CCDC183: variants seen among roughly 807,000 people sequenced by gnomAD.
CCDC183 encodes coiled-coil domain-containing protein 183.
A neutral mutation model predicts 65.2 loss-of-function variants in CCDC183; 63 were observed. That is an observed-to-expected ratio of 0.97 (90% CI 0.79 to 1.19). The LOEUF is 1.19. Ranked by LOEUF, CCDC183 falls within the 50% of genes most tolerant of loss-of-function variation. The probability of loss-of-function intolerance (pLI) is 0.00; values close to 1 mark genes in which losing one functional copy is unlikely to be tolerated. For missense variants in CCDC183, 769 were observed against 689.3 expected, an observed-to-expected ratio of 1.12 and a Z score of -1.30; for synonymous variants, 323 against 276.5, an observed-to-expected ratio of 1.17 and a Z score of -1.67.
At chr9:136,807,155 C>A in intron 13 of CCDC183, 89 bp downstream of exon 13, 1 of 1,188,814 alleles carries the variant, frequency 8.4e-7, no homozygotes, top group Non-Finnish European at 1.2e-6. Flanking sequence ...ACCGGGACAT[C>A]CTGGAGGGAC....
intron 1 of CCDC183, among the ~76,000 whole-genome samples, chr9:136,797,117 GCAAGATATGCTGGCAGCAATA>G (rs1186251083): frequency 6.6e-6 from 1 of 152,182 alleles, no homozygotes; most frequent in Non-Finnish European, 1.5e-5. Context: ...GTGGCTAGAG[GCAAGATATGCTGGCAGCAATA>G]CTGCTCTGTT....
In CCDC183 at chr9:136,807,575, C is replaced by G; in HGVS notation, c.1490C>G (p.Thr497Ser). ...GAGCCGCCGCCTCCGCCCGCAGACACCTTCCAGTTCCCCGACATGGACCAC... is the reference window on the plus strand; with the variant it reads ...GAGCCGCCGCCTCCGCCCGCAGACAGCTTCCAGTTCCCCGACATGGACCAC... ...FENREEDMID[T>S]FQFPDMDHSY... Residue 497 changes from threonine to serine, a missense_variant, in exon 14 of 14, where the codon ACC (threonine) becomes AGC (serine). Transcript: ENST00000338005. 1 of 1,602,594 alleles carries G rather than the reference C, an allele frequency of 6.2e-7. No individual in the cohort carries two copies. The highest frequency in any genetic ancestry group is 8.5e-7 in the Non-Finnish European group (1 of 1,175,346).
chr9:136,807,455 C>T, intron 13 of CCDC183, 117 bp from the exon 14 acceptor site: 2 of 1,290,308 alleles, frequency 1.6e-6, no homozygotes, highest in South Asian at 3.1e-5. Flanking sequence ...CACGCTGGGG[C>T]TGTCCCTGGG....
At chr9:136,807,376 G>GGGTT in intron 13 of CCDC183, 196 bp from the exon 14 acceptor site, 1 of 747,092 alleles carries the variant, frequency 1.3e-6, no homozygotes, top group South Asian at 1.9e-5. Flanking sequence ...CTTCCACTGG[G>GGGTT]GGTTCTGCGG....
chr9:136,797,272 G>T (rs1847661955), intron 1 of CCDC183, among the ~76,000 whole-genome samples: 1 of 152,030 alleles, frequency 6.6e-6, no homozygotes, highest in African/African-American at 2.4e-5. Context: ...ATGTTTCCCT[G>T]CTGACGTTCT....
At chr9:136,802,876 G>A (rs1421974042) in intron 6 of CCDC183, 90 bp downstream of exon 6, 6 of 283,974 alleles carry the variant, frequency 2.1e-5, no homozygotes, top group African/African-American at 1.2e-4. Flanking sequence ...GCCCAGGGCT[G>A]GGGGCCCCCC....
In CCDC183 at chr9:136,800,072, TGCG is replaced by T; in HGVS notation, c.348_350del (p.Arg117del). The T allele has an allele frequency of 6.3e-7, 1 of 1,576,392 alleles. No homozygotes were observed. Among genetic ancestry groups the T allele is most frequent in the Non-Finnish European group, 8.6e-7 (1 of 1,162,516 alleles). On this transcript the variant is annotated inframe_deletion, in exon 4 of 14. Transcript: ENST00000338005. The stretch of plus-strand genomic sequence containing the variant: ...ATGCACAACCTACTGATCCACCTGG[TGCG>T]GCGGCGCGGGCAGAAGCTGGAGAGC...
intron 6 of CCDC183, among the ~76,000 whole-genome samples, chr9:136,803,216 GGGGCCCCCC>G (rs1847774074): frequency 2.5e-5 from 1 of 40,202 alleles, no homozygotes; most frequent in Admixed American, 2.5e-4. Context: ...CCCAGGGCTG[GGGGCCCCCC>G]AGGGCCAGCC....
Position 136,804,930 on chromosome 9 carries a change from G to A in CCDC183, c.847+114G>A. ...GCCAGGTGTGACATGTGGTCGCCAG[G>A]GTGAAGGGAAGGACAGGTCCCTGCC... On this transcript the variant is annotated intron_variant, in intron 8 of 13. Transcript: ENST00000338005. The surrounding 1 kb of genome is among the most constrained non-coding windows in gnomAD (Gnocchi z 4.1). The A allele has an allele frequency of 1.1e-6, 1 of 897,278 alleles. No individual in the cohort carries two copies. Among genetic ancestry groups the A allele is most frequent in the Non-Finnish European group, 1.8e-6 (1 of 570,564 alleles). The allele number at this position is 897,278 out of a possible 1,614,324, so 55.6% of individuals were successfully genotyped here.
In CCDC183 at chr9:136,799,098, A is replaced by T. The variant is rs1279052348; in HGVS notation, c.71-4A>T. 5 of 1,613,028 alleles carry T rather than the reference A, an allele frequency of 3.1e-6. No homozygotes were observed. The highest frequency in any genetic ancestry group is 4.2e-6 in the Non-Finnish European group (5 of 1,179,702). ...GCCACTGTGTCCCCTCCACCTGCCC[A>T]CAGAGCAGTGTCGGGCACTCCAGAT... is the stretch of plus-strand genomic sequence containing the variant. On this transcript the variant is annotated splice_region_variant and splice_polypyrimidine_tract_variant and intron_variant, in intron 1 of 13. Coordinates refer to ENST00000338005, the MANE Select transcript of CCDC183 (RefSeq NM_001039374.5).
Position 136,796,385 on chromosome 9 carries a change from C to A in CCDC183, c.-13C>A, listed in dbSNP as rs758641320. The A allele has an allele frequency of 2.5e-6, 4 of 1,569,522 alleles. No individual in the cohort carries two copies. The South Asian group carries it at 4.7e-5, about 18-fold the overall frequency. Reference sequence around the variant, plus strand: ...GAGGTACACAGGGTCCCTTGGGGGGCCTGAGAGCAGCCATGAGGAGGCACA... The same window carrying A: ...GAGGTACACAGGGTCCCTTGGGGGGACTGAGAGCAGCCATGAGGAGGCACA... On this transcript the variant is annotated 5_prime_UTR_variant, in exon 1 of 14. Transcript: ENST00000338005.
chr9:136,807,393 C>A, intron 13 of CCDC183, 179 bp from the exon 14 acceptor site: 5 of 824,104 alleles, frequency 6.1e-6, no homozygotes, highest in Non-Finnish European at 9.2e-6. Context: ...GCGGGAAAGG[C>A]TAGGCAGGGC....
intron 6 of CCDC183, among the ~76,000 whole-genome samples, chr9:136,803,214 T>C (rs9314870): frequency 0.25 from 1,848 of 7,498 alleles, 504 homozygotes; most frequent in African/African-American, 0.35. Context: ...GGCCCAGGGC[T>C]GGGGGCCCCC....
chr9:136,798,295 C>T (rs1414584227), intron 1 of CCDC183, among the ~76,000 whole-genome samples: 2 of 150,778 alleles, frequency 1.3e-5, no homozygotes, highest in South Asian at 4.2e-4. Context: ...CATGAGCCAC[C>T]GGCGCCTAGC....
In CCDC183 at chr9:136,807,041, T is replaced by C. The variant is rs1385735233; in HGVS notation, c.1461T>C (p.Phe487=). ...LMEKYNTRIS[F]ENREEDMIDT... is the part of the protein sequence containing the mutation. ...AGAAGTACAACACCAGGATCAGCTTTGAGAACCGGGAGGAGGATATGATCG... is the reference window on the plus strand; with the variant it reads ...AGAAGTACAACACCAGGATCAGCTTCGAGAACCGGGAGGAGGATATGATCG... The change falls in exon 13 of 14, where the codon TTT becomes TTC. Residue 487 remains phenylalanine, a synonymous_variant. Transcript: ENST00000338005. The C allele has an allele frequency of 6.2e-7, 1 of 1,613,130 alleles. No homozygotes were observed. The highest frequency in any genetic ancestry group is 2.2e-5 in the East Asian group (1 of 44,858).
At chr9:136,807,109 TG>T in intron 13 of CCDC183, 43 bp downstream of exon 13, 1 of 1,591,852 alleles carries the variant, frequency 6.3e-7, no homozygotes, top group Non-Finnish European at 8.6e-7. Flanking sequence ...GGCGGGTGGC[TG>T]GAACACAGGT....
chr9:136,802,370 C>A (rs1440021927), intron 5 of CCDC183, among the ~76,000 whole-genome samples: 1 of 152,208 alleles, frequency 6.6e-6, no homozygotes, highest in Non-Finnish European at 1.5e-5. Context: ...GCAGAACTGT[C>A]CCCAAACCTC....
At position 136,799,735 on chromosome 9, in the gene CCDC183, AG is replaced by A. The variant is rs759209954; in HGVS notation, c.217del (p.Ala73ProfsTer32). The A allele has an allele frequency of 2.4e-5, 39 of 1,613,088 alleles. No homozygotes were observed. The highest frequency in any genetic ancestry group is 1.7e-4 in the Middle Eastern group (1 of 6,060). ...AKKYDQWTIS[K>X]ACGKNLPLRL... is the part of the protein sequence containing the mutation. ...CAGTATGACCAGTGGACCATCTCCAAGGCCTGCGGGAAAAACTTGCCTTTGC... is the reference window on the plus strand; with the variant it reads ...CAGTATGACCAGTGGACCATCTCCAAGCCTGCGGGAAAAACTTGCCTTTGC... On this transcript the variant is annotated frameshift_variant, in exon 3 of 14. Coordinates refer to ENST00000338005, the MANE Select transcript of CCDC183 (RefSeq NM_001039374.5). LOFTEE classifies it high-confidence loss of function.
At chr9:136,800,315 G>T in intron 4 of CCDC183, 74 bp from the exon 5 acceptor site, 1 of 1,492,956 alleles carries the variant, frequency 6.7e-7, no homozygotes. Context: ...ACCCTCTCCG[G>T]AGAAAACCCA....
Sources: gnomAD v4.1 joint callset for allele counts (sites outside exome capture counted in the v4.1 genomes callset) on GRCh38, gnomAD v4.1.1 for gene constraint, Gnocchi (gnomAD v3.1) non-coding constraint, MANE v1.5 for transcripts, NCBI Gene and HGNC (gene_info 2026-07-23, HGNC 2026-07-21) for gene names.